The following DLGAP1 variants were observed in gnomAD, a reference collection of about 807,000 sequenced individuals.
DLGAP1 encodes disks large-associated protein 1.
A neutral mutation model predicts 90.8 loss-of-function variants in DLGAP1; 11 were observed. The ratio of observed to expected loss-of-function variants is 0.12; its 90% CI spans 0.08 to 0.20. The LOEUF (loss-of-function observed/expected upper bound fraction) is 0.20, where lower values mean the gene tolerates loss of function less well. Among genes scored for constraint, DLGAP1 ranks in the 10% least tolerant of loss-of-function variants. The pLI is 1.00. For synonymous variants in DLGAP1, 558 were observed against 540.7 expected, an observed-to-expected ratio of 1.03 and a Z score of -0.44; for missense variants, 1,050 against 1,333.8, an observed-to-expected ratio of 0.79 and a Z score of 3.31.
At chr18:4,227,432 A>C (rs952977516) in intron 1 of DLGAP1, among the ~76,000 whole-genome samples, 17 of 151,724 alleles carry the variant, frequency 1.1e-4, no homozygotes, top group African/African-American at 4.1e-4. Flanking sequence ...TCATTCTCTA[A>C]AACAAACCAT....
chr18:4,444,076 GCCC>G (rs1165299398), intron 1 of DLGAP1, among the ~76,000 whole-genome samples: 1 of 152,178 alleles, frequency 6.6e-6, no homozygotes, highest in Non-Finnish European at 1.5e-5. Context: ...CAGAAGATAA[GCCC>G]CAGATGGCAG....
intron 3 of DLGAP1, among the ~76,000 whole-genome samples, chr18:3,881,102 A>C (rs917284638): frequency 6.7e-6 from 1 of 149,952 alleles, no homozygotes; most frequent in Non-Finnish European, 1.5e-5. Context: ...CTTGGGTCTT[A>C]TTCTTTTTTT....
intron 1 of DLGAP1, among the ~76,000 whole-genome samples, chr18:4,270,136 A>G (rs1226676317): frequency 1.3e-5 from 2 of 152,220 alleles, no homozygotes; most frequent in African/African-American, 4.8e-5. Context: ...ATTCTCTGAG[A>G]AAGTCCCTTT....
chr18:3,849,306 T>C (rs751926758), intron 4 of DLGAP1, among the ~76,000 whole-genome samples: 4 of 152,158 alleles, frequency 2.6e-5, no homozygotes, highest in Non-Finnish European at 5.9e-5. Context: ...ACACTCTTAG[T>C]ATCTTCAAAG....
At chr18:4,253,513 T>C (rs2078825091) in intron 1 of DLGAP1, among the ~76,000 whole-genome samples, 1 of 152,136 alleles carries the variant, frequency 6.6e-6, no homozygotes, top group Non-Finnish European at 1.5e-5. Context: ...TAGGTTCAAA[T>C]GATTTTCATG....
At chr18:3,625,272 T>G (rs1460401948) in intron 7 of DLGAP1, among the ~76,000 whole-genome samples, 18 of 152,186 alleles carry the variant, frequency 1.2e-4, no homozygotes, top group Admixed American at 7.9e-4. Flanking sequence ...GTGGCCAAGA[T>G]CTCTGTGCAG....
At chr18:4,157,268 C>T (rs2076772603) in intron 1 of DLGAP1, among the ~76,000 whole-genome samples, 1 of 152,158 alleles carries the variant, frequency 6.6e-6, no homozygotes, top group Non-Finnish European at 1.5e-5. Context: ...CACATTTTAT[C>T]TTAAATTTTA....
chr18:3,845,083 A>G, intron 4 of DLGAP1: 1 of 995,012 alleles, frequency 1.0e-6, no homozygotes, highest in South Asian at 1.9e-5. Flanking sequence ...GCTACTCTTT[A>G]TAAAATTGTT....
chr18:4,412,045 T>C (rs1045349278), intron 1 of DLGAP1, among the ~76,000 whole-genome samples: 4 of 152,158 alleles, frequency 2.6e-5, no homozygotes, highest in Non-Finnish European at 5.9e-5. Flanking sequence ...CCTTATCTTG[T>C]AAGACTAACT....
At chr18:3,736,339 A>G (rs761607089) in intron 6 of DLGAP1, among the ~76,000 whole-genome samples, 4 of 152,202 alleles carry the variant, frequency 2.6e-5, no homozygotes, top group Non-Finnish European at 5.9e-5. Flanking sequence ...AAAATAATAA[A>G]CATAAAAACA....
chr18:4,307,235 A>G (rs971304614), intron 1 of DLGAP1, among the ~76,000 whole-genome samples: 2 of 152,300 alleles, frequency 1.3e-5, no homozygotes, highest in South Asian at 2.1e-4. Flanking sequence ...TGAAAGTCTT[A>G]GCATTGAATA....
intron 1 of DLGAP1, among the ~76,000 whole-genome samples, chr18:4,367,480 T>C (rs1186986544): frequency 2.0e-5 from 3 of 152,126 alleles, no homozygotes; most frequent in Non-Finnish European, 4.4e-5. Context: ...TTTCTTTCAG[T>C]ATAAAGAATC....
At chr18:3,761,099 T>C (rs2063943283) in intron 5 of DLGAP1, among the ~76,000 whole-genome samples, 1 of 152,178 alleles carries the variant, frequency 6.6e-6, no homozygotes, top group African/African-American at 2.4e-5. Context: ...TAATATAAAA[T>C]CCACTGAATT....
intron 4 of DLGAP1, among the ~76,000 whole-genome samples, chr18:3,834,679 T>C (rs747625731): frequency 6.6e-6 from 1 of 152,214 alleles, no homozygotes; most frequent in African/African-American, 2.4e-5. Context: ...GTTAAAATGG[T>C]AACAGTGATG....
chr18:4,274,184 C>T (rs1417648364), intron 1 of DLGAP1, among the ~76,000 whole-genome samples: 2 of 152,012 alleles, frequency 1.3e-5, no homozygotes, highest in African/African-American at 4.8e-5. Context: ...ACTTTATCTG[C>T]ATTCCATAAG....
intron 1 of DLGAP1, among the ~76,000 whole-genome samples, chr18:4,381,827 T>C (rs1598323254): frequency 6.6e-6 from 1 of 152,150 alleles, no homozygotes; most frequent in Admixed American, 6.6e-5. Context: ...GATAAAGACA[T>C]ACCTGAGACT....
chr18:3,864,230 C>G (rs897181330), intron 4 of DLGAP1, among the ~76,000 whole-genome samples: 1 of 152,180 alleles, frequency 6.6e-6, no homozygotes, highest in East Asian at 1.9e-4. Flanking sequence ...CAGGTAGAAT[C>G]AAGATGGGTT....
At chr18:3,977,619 G>T in intron 3 of DLGAP1, 1 of 220,080 alleles carries the variant, frequency 4.5e-6, no homozygotes, top group Non-Finnish European at 9.0e-6. Flanking sequence ...TTGTGCTCTC[G>T]CTGGGGCTGG....
chr18:3,879,860 A>T lies in DLGAP1; in HGVS notation c.209T>A (p.Phe70Tyr), dbSNP rs1401490248. The change falls in exon 4 of 13, where the codon TTC becomes TAC. Residue 70 changes from phenylalanine to tyrosine, a missense_variant. This residue lies in a region of DLGAP1 where 485 missense variants were observed against 454.1 expected (regional missense o/e 1.07). Transcript: ENST00000315677. This position sits in a 1 kb window ranked among gnomAD's most constrained non-coding sequence, Gnocchi z 6.6. The stretch of plus-strand genomic sequence containing the variant: ...CTGCGAGGTGTAGTGCCTGCGGGGG[A>T]AGGTGCTGCTGGCCAGCGGGTCGCT... ...PFSDPLASST[F>Y]PRRHYTSQQE... 1.9e-6 allele frequency: 3 copies of T among 1,609,960 alleles called. No individual in the cohort carries two copies. The highest frequency in any genetic ancestry group is 8.5e-7 in the Non-Finnish European group (1 of 1,179,504).
Sources: gnomAD v4.1 joint callset for allele counts (sites outside exome capture counted in the v4.1 genomes callset) on GRCh38, gnomAD v4.1.1 for gene constraint, gnomAD v4.1.1 regional missense constraint, Gnocchi (gnomAD v3.1) non-coding constraint, MANE v1.5 for transcripts, NCBI Gene and HGNC (gene_info 2026-07-23, HGNC 2026-07-21) for gene names.